Variants in SMCO1 observed in about 807,000 individuals in gnomAD.
The protein encoded by SMCO1 is single-pass membrane and coiled-coil domain-containing protein 1.
SMCO1 carries 9 observed loss-of-function variants against 7.5 expected under a neutral mutation model. That is an observed-to-expected ratio of 1.20 (90% CI 0.72 to 2.09). The LOEUF is 2.09. Among genes scored for constraint, SMCO1 ranks in the 30% most tolerant of loss-of-function variants. The pLI is 0.00. For missense variants in SMCO1, 219 were observed against 253.1 expected (o/e 0.87, Z 0.91); for synonymous variants, 90 against 93.8 (o/e 0.96, Z 0.23).
upstream of SMCO1, chr3:196,515,456 T>C (rs1733361795): frequency 4.1e-6 from 2 of 493,308 alleles, no homozygotes; most frequent in Non-Finnish European, 7.3e-6. Flanking sequence ...AACATTTGCC[T>C]TTGAAAACTG....
intron 1 of SMCO1, among the ~76,000 whole-genome samples, chr3:196,514,684 C>T (rs951438821): frequency 2.0e-5 from 3 of 152,126 alleles, no homozygotes; most frequent in African/African-American, 7.2e-5. Flanking sequence ...TGGGAGCAGA[C>T]TTTTCTTTAT....
chr3:196,513,432 C>A (rs1733302536), intron 1 of SMCO1, among the ~76,000 whole-genome samples: 1 of 151,914 alleles, frequency 6.6e-6, no homozygotes, highest in Admixed American at 6.6e-5. Flanking sequence ...AGATCGAGAC[C>A]ATCCTGGCCA....
intron 1 of SMCO1, 116 bp downstream of exon 1, chr3:196,515,044 G>T: frequency 7.7e-7 from 1 of 1,299,672 alleles, no homozygotes; most frequent in Non-Finnish European, 1.1e-6. Flanking sequence ...CGGCCACAGA[G>T]ACAGAATTCT....
At chr3:196,509,703 T>C in intron 1 of SMCO1, 34 bp from the exon 2 acceptor site, 6 of 1,580,670 alleles carry the variant, frequency 3.8e-6, no homozygotes, top group Non-Finnish European at 5.2e-6. Flanking sequence ...TTAGTTTAGG[T>C]TACAGGACAA....
chr3:196,509,803 T>A, intron 1 of SMCO1, 134 bp from the exon 2 acceptor site: 1 of 690,138 alleles, frequency 1.4e-6, no homozygotes, highest in Non-Finnish European at 2.3e-6. Context: ...ACTTTTACTT[T>A]AAACTATGAA....
rs775866277 is a variant in SMCO1, at chr3:196,508,241, G to C, written c.291C>G (p.Asp97Glu). ...LHTRVLEKLP[D>E]LVRGLPTLAS... The stretch of plus-strand genomic sequence containing the variant: ...CTAAGGTTGGAAGACCTCTCACCAG[G>C]TCTGGCAGCTTCTCAAGCACACGAG... The change falls in exon 3 of 3, where the codon GAC becomes GAG. Residue 97 changes from aspartate (D) to glutamate (E), a missense_variant. Coordinates refer to ENST00000397537, the MANE Select transcript of SMCO1 (RefSeq NM_001077657.3). The C allele has an allele frequency of 4.3e-6, 7 of 1,614,072 alleles. No homozygotes were observed. Among genetic ancestry groups the C allele is most frequent in the Non-Finnish European group, 5.9e-6 (7 of 1,180,014 alleles).
chr3:196,517,812 G>A (rs1733422967), upstream of SMCO1, among the ~76,000 whole-genome samples: 2 of 152,144 alleles, frequency 1.3e-5, no homozygotes, highest in South Asian at 4.2e-4. Flanking sequence ...TGGGATTCCA[G>A]GTGTGTGCCA....
rs139208390 is a variant in SMCO1 at position 196,514,330 on chromosome 3, C to G, written c.50+830G>C. 1.5e-3 allele frequency among the ~76,000 whole-genome samples: 231 copies of G among 150,562 alleles called. 2 individuals carry two copies. The highest frequency in any genetic ancestry group is 5.4e-3 in the African/African-American group (223 of 41,422). ...CTTGAATACATTATGTGGTTCCAAG[C>G]TTACATATGGCTTATATGCACTGTT... On this transcript the variant is annotated intron_variant, in intron 1 of 2. Coordinates refer to ENST00000397537, the MANE Select transcript of SMCO1 (RefSeq NM_001077657.3).
chr3:196,511,391 C>G (rs112411153), intron 1 of SMCO1, among the ~76,000 whole-genome samples: 23 of 113,888 alleles, frequency 2.0e-4, no homozygotes, highest in African/African-American at 5.7e-4. Context: ...CTAGATTGTC[C>G]TTATGAGGGA....
intron 1 of SMCO1, among the ~76,000 whole-genome samples, chr3:196,512,030 A>T (rs1733253163): frequency 6.8e-6 from 1 of 146,124 alleles, no homozygotes; most frequent in Non-Finnish European, 1.5e-5. Flanking sequence ...CTTATGAGGG[A>T]AACTTGCCTG....
chr3:196,516,929 T>C (rs1733400066), upstream of SMCO1, among the ~76,000 whole-genome samples: 2 of 151,564 alleles, frequency 1.3e-5, no homozygotes. Context: ...CAAAAACCCA[T>C]CTCTACTAAA....
At chr3:196,516,001 AT>A (rs58547178), upstream of SMCO1, among the ~76,000 whole-genome samples, 1 of 83,374 alleles carries the variant, frequency 1.2e-5, no homozygotes, top group African/African-American at 1.2e-4. Context: ...ATATATATAT[AT>A]ATATATATAT....
Position 196,507,655 on chromosome 3 carries a change from A to G in SMCO1, c.*232T>C, listed in dbSNP as rs563127799. On this transcript the variant is annotated 3_prime_UTR_variant, in exon 3 of 3. Transcript: ENST00000397537. ...ACTTAGCAATGTATATTGGAAATAA[A>G]CATTTGAAAACAACAATACATTTGG... The G allele has an allele frequency of 4.5e-5, 13 of 289,166 alleles. No individual in the cohort carries two copies. The South Asian group carries it at 9.1e-4, about 20-fold the overall frequency. 17.9% of individuals were successfully genotyped at this position (289,166 alleles called of 1,614,324 possible). A position where few individuals can be genotyped will look rare whatever the true frequency, so the allele number is the denominator to read the frequency against.
In SMCO1 at chr3:196,507,189, C is replaced by T. The variant is rs1733068175; in HGVS notation, c.*698G>A. 2 of 152,184 alleles carry T rather than the reference C, an allele frequency of 1.3e-5. No homozygotes were observed. The highest frequency in any genetic ancestry group is 4.1e-4 in the South Asian group (2 of 4,826). 9.4% of individuals were successfully genotyped at this position (152,184 alleles called of 1,614,324 possible). A position where few individuals can be genotyped will look rare whatever the true frequency, so the allele number is the denominator to read the frequency against. On this transcript the variant is annotated 3_prime_UTR_variant, in exon 3 of 3. Coordinates refer to ENST00000397537, the MANE Select transcript of SMCO1 (RefSeq NM_001077657.3). ...CTGGCTCATGGATTTATCCAGAACT[C>T]ATAGCTTGGTTTTCAGGCTTTAGAC...
chr3:196,511,087 A>C (rs1341019554), intron 1 of SMCO1, among the ~76,000 whole-genome samples: 1 of 150,024 alleles, frequency 6.7e-6, no homozygotes, highest in African/African-American at 2.5e-5. Flanking sequence ...TGGGCCACCT[A>C]GATTGTCATT....
rs1733058966 is a variant in SMCO1, at chr3:196,506,918, C to T, written c.*969G>A. 1 of 152,154 alleles carries T rather than the reference C, an allele frequency of 6.6e-6. No homozygotes were observed. The highest frequency in any genetic ancestry group is 2.1e-4 in the South Asian group (1 of 4,834). The allele number at this position is 152,154 out of a possible 1,614,324, so 9.4% of individuals were successfully genotyped here. A position where few individuals can be genotyped will look rare whatever the true frequency, so the allele number is the denominator to read the frequency against. Reference sequence around the variant, plus strand: ...TAGAATTTATTGAGTGACAGAACGGCTCTTGGCAGTGAGAGGGGACCCGAA... The same window carrying T: ...TAGAATTTATTGAGTGACAGAACGGTTCTTGGCAGTGAGAGGGGACCCGAA... On this transcript the variant is annotated 3_prime_UTR_variant, in exon 3 of 3. Coordinates refer to ENST00000397537, the MANE Select transcript of SMCO1 (RefSeq NM_001077657.3).
chr3:196,517,622 CT>C (rs141185787), upstream of SMCO1, among the ~76,000 whole-genome samples: 2,013 of 150,624 alleles, frequency 0.013, 59 homozygotes, highest in African/African-American at 0.047. Context: ...CAGCACCCCC[CT>C]GTGCCTTCCC....
chr3:196,507,839 C>T lies in SMCO1; in HGVS notation c.*48G>A. On this transcript the variant is annotated 3_prime_UTR_variant, in exon 3 of 3. Transcript: ENST00000397537. ...AAATTGTGCATACTTTTTGCTGTTT[C>T]CAAGATAAATTACTGTAGGTGGAAT... The T allele has an allele frequency of 8.1e-7, 1 of 1,238,072 alleles. No individual in the cohort carries two copies. The highest frequency in any genetic ancestry group is 1.5e-5 in the African/African-American group (1 of 65,664). The allele number at this position is 1,238,072 out of a possible 1,614,324, so 76.7% of individuals were successfully genotyped here.
chr3:196,507,739 A>G lies in SMCO1; in HGVS notation c.*148T>C, dbSNP rs897408712. On this transcript the variant is annotated 3_prime_UTR_variant, in exon 3 of 3. Transcript: ENST00000397537. ...TCATTCTTTTATATGGCTGCAAAGA[A>G]AGTATCTATTGTATCAATTTGTCAT... 3 of 598,608 alleles carry G rather than the reference A, an allele frequency of 5.0e-6. No individual in the cohort carries two copies. The highest frequency in any genetic ancestry group is 1.9e-5 in the African/African-American group (1 of 53,910). 37.1% of individuals were successfully genotyped at this position (598,608 alleles called of 1,614,324 possible).
Sources: gnomAD v4.1 joint callset for allele counts (sites outside exome capture counted in the v4.1 genomes callset) on GRCh38, gnomAD v4.1.1 for gene constraint, MANE v1.5 for transcripts, NCBI Gene and HGNC (gene_info 2026-07-23, HGNC 2026-07-21) for gene names.